CEMIP: variants seen among roughly 807,000 people sequenced by gnomAD.
CEMIP encodes cell migration-inducing and hyaluronan-binding protein.
Under a neutral mutation model 156.9 loss-of-function variants are expected in CEMIP, and 105 were observed. That is an observed-to-expected ratio of 0.67 (90% CI 0.57 to 0.79). The LOEUF is 0.79. Ranked by LOEUF, CEMIP falls within the 30% of genes least tolerant of loss-of-function variation. CEMIP has a pLI of 0.00. For missense variants in CEMIP, 1,457 were observed against 1,769.4 expected (o/e 0.82, Z 3.17); for synonymous variants, 676 against 668.4 (o/e 1.01, Z -0.17).
chr15:80,876,101 A>G (rs1898467265), intron 3 of CEMIP, among the ~76,000 whole-genome samples: 1 of 152,252 alleles, frequency 6.6e-6, no homozygotes, highest in Non-Finnish European at 1.5e-5. Context: ...GCTCCTTCCC[A>G]GCATATTCAT....
intron 12 of CEMIP, among the ~76,000 whole-genome samples, chr15:80,904,210 T>A (rs564214797): frequency 7.0e-4 from 107 of 152,344 alleles, no homozygotes; most frequent in African/African-American, 2.3e-3. Flanking sequence ...TTATTATTAC[T>A]TAAAGTCTGA....
At chr15:80,939,564 GA>G (rs1901262860) in intron 25 of CEMIP, among the ~76,000 whole-genome samples, 1 of 152,208 alleles carries the variant, frequency 6.6e-6, no homozygotes, top group Non-Finnish European at 1.5e-5. Context: ...TTTTCAAATG[GA>G]AACTTCCACT....
intron 1 of CEMIP, among the ~76,000 whole-genome samples, chr15:80,835,538 G>A (rs551159930): frequency 6.6e-6 from 1 of 152,340 alleles, no homozygotes; most frequent in East Asian, 1.9e-4. Context: ...TGCTTTTCTG[G>A]CTCAAAGAAG....
chr15:80,925,146 C>T (rs1596195622), intron 18 of CEMIP, among the ~76,000 whole-genome samples: 2 of 152,316 alleles, frequency 1.3e-5, no homozygotes, highest in South Asian at 2.1e-4. Context: ...ATTAGCAAAA[C>T]CAATCTCCTT....
chr15:80,933,172 C>A, intron 22 of CEMIP, 73 bp from the exon 23 acceptor site: 1 of 1,347,570 alleles, frequency 7.4e-7, no homozygotes, highest in Admixed American at 1.8e-5. Flanking sequence ...TCGGAAACCT[C>A]GCCCTGGCCT....
chr15:80,879,669 C>G (rs775581843), intron 4 of CEMIP, 47 bp from the exon 5 acceptor site: 2 of 1,612,740 alleles, frequency 1.2e-6, no homozygotes, highest in African/African-American at 1.3e-5. Flanking sequence ...TATAACCTTA[C>G]CCTTAACACT....
chr15:80,836,279 ATC>A (rs1897268670), intron 1 of CEMIP, among the ~76,000 whole-genome samples: 1 of 152,244 alleles, frequency 6.6e-6, no homozygotes, highest in African/African-American at 2.4e-5. Context: ...GCGAAAAGGC[ATC>A]TTTTTCAGGA....
chr15:80,850,890 G>A (rs1018804420), intron 1 of CEMIP, among the ~76,000 whole-genome samples: 14 of 152,218 alleles, frequency 9.2e-5, no homozygotes, highest in African/African-American at 3.1e-4. Context: ...ATCTTTGGGG[G>A]AGGCAGGCTC....
At chr15:80,802,993 C>G (rs1896417042) in intron 1 of CEMIP, among the ~76,000 whole-genome samples, 1 of 152,172 alleles carries the variant, frequency 6.6e-6, no homozygotes, top group African/African-American at 2.4e-5. Flanking sequence ...AAATATATTT[C>G]TCACAGTTCT....
At chr15:80,851,955 C>T (rs1897726389) in intron 1 of CEMIP, among the ~76,000 whole-genome samples, 1 of 152,002 alleles carries the variant, frequency 6.6e-6, no homozygotes, top group Non-Finnish European at 1.5e-5. Flanking sequence ...CATCAGGAGG[C>T]CACCGTGAAT....
chr15:80,903,980 T>G (rs1899682091), intron 12 of CEMIP, among the ~76,000 whole-genome samples: 2 of 152,218 alleles, frequency 1.3e-5, no homozygotes, highest in South Asian at 4.1e-4. Flanking sequence ...GAAGCCATGT[T>G]CAGTGGGCTG....
chr15:80,888,326 T>A (rs911095114), intron 8 of CEMIP, among the ~76,000 whole-genome samples: 8 of 150,842 alleles, frequency 5.3e-5, no homozygotes, highest in Non-Finnish European at 7.4e-5. Context: ...CAAAAAAATT[T>A]AAAAAAAAAG....
intron 6 of CEMIP, among the ~76,000 whole-genome samples, chr15:80,882,543 T>C (rs549457006): frequency 1.4e-4 from 22 of 152,352 alleles, no homozygotes; most frequent in African/African-American, 5.3e-4. Flanking sequence ...TTTGGTGCTG[T>C]TTCTTAAGTA....
chr15:80,878,624 G>A, intron 3 of CEMIP, 97 bp from the exon 4 acceptor site: 2 of 1,505,114 alleles, frequency 1.3e-6, no homozygotes, highest in Non-Finnish European at 1.8e-6. Context: ...AGGAGGTAGG[G>A]GCCTTAAAGA....
At chr15:80,937,558 G>C (rs1456210249) in intron 24 of CEMIP, among the ~76,000 whole-genome samples, 1 of 152,196 alleles carries the variant, frequency 6.6e-6, no homozygotes, top group Non-Finnish European at 1.5e-5. Flanking sequence ...GTTGGCCCTG[G>C]AGACACACCA....
At chr15:80,840,010 G>T (rs1596125139) in intron 1 of CEMIP, among the ~76,000 whole-genome samples, 1 of 152,356 alleles carries the variant, frequency 6.6e-6, no homozygotes, top group South Asian at 2.1e-4. Flanking sequence ...GGGACTTGAA[G>T]CTGCTGAGTC....
At chr15:80,908,977 T>A in intron 13 of CEMIP, 120 bp from the exon 14 acceptor site, 1 of 935,912 alleles carries the variant, frequency 1.1e-6, no homozygotes, top group Non-Finnish European at 1.7e-6. Context: ...TTTGATTTAC[T>A]GAGTACTAAG....
intron 12 of CEMIP, among the ~76,000 whole-genome samples, chr15:80,904,781 G>C (rs1899724275): frequency 6.6e-6 from 1 of 152,150 alleles, no homozygotes. Context: ...TTGACACCTT[G>C]ATTTATCCCC....
chr15:80,863,483 T>C (rs1227532850), intron 1 of CEMIP, among the ~76,000 whole-genome samples: 1 of 152,184 alleles, frequency 6.6e-6, no homozygotes, highest in Non-Finnish European at 1.5e-5. Context: ...TCAGGAACTC[T>C]AAAGACAGAA....
Sources: allele counts gnomAD v4.1 joint callset (sites outside exome capture counted in the v4.1 genomes callset), GRCh38; gene constraint gnomAD v4.1.1; transcripts MANE v1.5; gene names NCBI Gene and HGNC (gene_info 2026-07-23, HGNC 2026-07-21).